The following ENOX1 variants were observed in gnomAD, a reference collection of about 807,000 sequenced individuals.
ENOX1 encodes the protein candidate growth-related and time keeping constitutive hydroquinone (NADH) oxidase.
ENOX1 carries 42 observed loss-of-function variants against 82.5 expected under a neutral mutation model. The observed-to-expected ratio is 0.51, with a 90% CI of 0.40 to 0.66. The LOEUF is 0.66. Ranked by LOEUF, ENOX1 falls within the 30% of genes least tolerant of loss-of-function variation. The pLI is 0.00. For synonymous variants in ENOX1, 271 were observed against 282.2 expected (o/e 0.96, Z 0.40); for missense variants, 608 against 811.6 (o/e 0.75, Z 3.05).
At chr13:43,269,622 G>C in intron 12 of ENOX1, 45 bp from the exon 13 acceptor site, 1 of 1,484,700 alleles carries the variant, frequency 6.7e-7, no homozygotes, top group Non-Finnish European at 9.4e-7. Flanking sequence ...TTGAAGGTCA[G>C]GTGATTTAAA....
chr13:43,473,680 G>A (rs2058164552), intron 3 of ENOX1, among the ~76,000 whole-genome samples: 3 of 152,116 alleles, frequency 2.0e-5, no homozygotes, highest in African/African-American at 7.2e-5. Flanking sequence ...AGAAACACTG[G>A]CTGCATGCCA....
At chr13:43,269,020 T>C (rs181625326) in intron 13 of ENOX1, among the ~76,000 whole-genome samples, 1 of 152,328 alleles carries the variant, frequency 6.6e-6, no homozygotes, top group Non-Finnish European at 1.5e-5. Context: ...TTGCTCACCA[T>C]GGTTAGATAA....
chr13:43,475,794 C>CA (rs10624980), intron 3 of ENOX1, among the ~76,000 whole-genome samples: 30,609 of 72,112 alleles, frequency 0.42, 6,383 homozygotes, highest in South Asian at 0.52. Context: ...CATAACTGAC[C>CA]AAAAAAAAAA....
chr13:43,336,250 T>G (rs1368367091), intron 9 of ENOX1, among the ~76,000 whole-genome samples: 2 of 152,176 alleles, frequency 1.3e-5, no homozygotes, highest in Non-Finnish European at 2.9e-5. Context: ...GCAGAAGAAA[T>G]GTGGACGAGG....
At chr13:43,669,689 A>C (rs2085161531) in intron 1 of ENOX1, among the ~76,000 whole-genome samples, 1 of 151,950 alleles carries the variant, frequency 6.6e-6, no homozygotes, top group African/African-American at 2.4e-5. Context: ...TGTTATCAGT[A>C]CATAACCTGT....
chr13:43,562,179 T>C (rs375714528), intron 2 of ENOX1, among the ~76,000 whole-genome samples: 2 of 152,100 alleles, frequency 1.3e-5, no homozygotes, highest in African/African-American at 4.8e-5. Flanking sequence ...CTTTTCAAGA[T>C]ATAGACAGTA....
chr13:43,592,422 A>G (rs1056262794), intron 2 of ENOX1, among the ~76,000 whole-genome samples: 1 of 152,240 alleles, frequency 6.6e-6, no homozygotes, highest in African/African-American at 2.4e-5. Context: ...TTATTTATAG[A>G]TAATTTAAAA....
At chr13:43,784,983 C>T (rs1172322780) in intron 1 of ENOX1, among the ~76,000 whole-genome samples, 1 of 152,200 alleles carries the variant, frequency 6.6e-6, no homozygotes, top group African/African-American at 2.4e-5. Flanking sequence ...AATGCCAGAA[C>T]AATATGCATT....
chr13:43,454,424 T>C (rs1000918728), intron 3 of ENOX1, among the ~76,000 whole-genome samples: 3 of 152,164 alleles, frequency 2.0e-5, no homozygotes, highest in South Asian at 2.1e-4. Flanking sequence ...ACCAGGGAGA[T>C]TGAATTTCAC....
chr13:43,623,430 G>T (rs1327758214), intron 2 of ENOX1, among the ~76,000 whole-genome samples: 1 of 152,080 alleles, frequency 6.6e-6, no homozygotes, highest in Non-Finnish European at 1.5e-5. Context: ...CCTTCTCACT[G>T]TTTCCTCTAC....
At chr13:43,734,973 A>C in intron 1 of ENOX1, among the ~76,000 whole-genome samples, 1 of 152,216 alleles carries the variant, frequency 6.6e-6, no homozygotes, top group Non-Finnish European at 1.5e-5. Flanking sequence ...GCTCTGGCTT[A>C]GGCAGGCTTT....
chr13:43,724,518 G>C (rs2088803828), intron 1 of ENOX1, among the ~76,000 whole-genome samples: 1 of 152,180 alleles, frequency 6.6e-6, no homozygotes, highest in Non-Finnish European at 1.5e-5. Context: ...TAATCTATTT[G>C]CCTGTACCTA....
At position 43,757,157 on chromosome 13, in the gene ENOX1, C is replaced by T. The variant is rs1360989143; in HGVS notation, c.-285+29495G>A. Among the ~76,000 whole-genome samples the T allele has an allele frequency of 6.6e-5, 10 of 152,054 alleles. No individual in the cohort carries two copies. The South Asian group carries it at 8.3e-4, about 13-fold the overall frequency. The stretch of plus-strand genomic sequence containing the variant: ...TAAAAATGTATGGGAGATAATTATA[C>T]GAGAGACCTGATATGGTGGATTAAT... On this transcript the variant is annotated intron_variant, in intron 1 of 16. Transcript: ENST00000690772.
At chr13:43,601,217 G>C (rs1229059617) in intron 2 of ENOX1, among the ~76,000 whole-genome samples, 2 of 152,096 alleles carry the variant, frequency 1.3e-5, no homozygotes, top group Non-Finnish European at 2.9e-5. Context: ...CCAGGGGAGA[G>C]AGAGCTATGT....
At chr13:43,385,679 TAAAC>T (rs1862743810) in intron 5 of ENOX1, among the ~76,000 whole-genome samples, 1 of 152,142 alleles carries the variant, frequency 6.6e-6, no homozygotes, top group Non-Finnish European at 1.5e-5. Flanking sequence ...GAAAAAATGA[TAAAC>T]AACCATATAT....
intron 13 of ENOX1, among the ~76,000 whole-genome samples, chr13:43,267,966 T>C (rs181361663): frequency 3.9e-5 from 6 of 152,342 alleles, no homozygotes; most frequent in African/African-American, 1.4e-4. Flanking sequence ...TTTAAAATAA[T>C]GGAGAGTGAA....
chr13:43,591,214 A>G (rs1467843746), intron 2 of ENOX1, among the ~76,000 whole-genome samples: 1 of 152,238 alleles, frequency 6.6e-6, no homozygotes, highest in Non-Finnish European at 1.5e-5. Flanking sequence ...AGCAAAATAA[A>G]AATAAAAAAC....
intron 5 of ENOX1, among the ~76,000 whole-genome samples, chr13:43,408,508 C>T (rs2053930940): frequency 6.6e-6 from 1 of 152,144 alleles, no homozygotes; most frequent in South Asian, 2.1e-4. Flanking sequence ...ATCTTTAAGT[C>T]CCTTCTGAAA....
chr13:43,614,564 T>A (rs2082328421), intron 2 of ENOX1, among the ~76,000 whole-genome samples: 1 of 111,150 alleles, frequency 9.0e-6, no homozygotes, highest in East Asian at 2.8e-4. Flanking sequence ...TTTTTAGCAC[T>A]TGCTTACTTG....
Sources: allele counts gnomAD v4.1 joint callset (sites outside exome capture counted in the v4.1 genomes callset), GRCh38; gene constraint gnomAD v4.1.1; transcripts MANE v1.5; gene names NCBI Gene and HGNC (gene_info 2026-07-23, HGNC 2026-07-21).